Variants in STRN4 observed in about 807,000 individuals in gnomAD.
The protein encoded by STRN4 is striatin-4.
In STRN4, 27 loss-of-function variants were observed where a neutral mutation model predicts 77.9. That is an observed-to-expected ratio of 0.35 (90% CI 0.26 to 0.48). The LOEUF (loss-of-function observed/expected upper bound fraction) is 0.48, where lower values mean the gene tolerates loss of function less well. Among genes scored for constraint, STRN4 ranks in the 20% least tolerant of loss-of-function variants. The pLI is 0.99. For synonymous variants in STRN4, 466 were observed against 443.1 expected (o/e 1.05, Z -0.65); for missense variants, 798 against 1,049.7 (o/e 0.76, Z 3.31).
In STRN4 at chr19:46,741,071, T is replaced by C. The variant is rs1403160496; in HGVS notation, c.283-2183A>G. ...AGAGAGGTAACCGATTCGCATGTTA[T>C]AAAGGCAGCTCCAGCTAAAACATGG... On this transcript the variant is annotated intron_variant, in intron 1 of 17. Transcript: ENST00000263280. This position sits in a 1 kb window ranked among gnomAD's most constrained non-coding sequence, Gnocchi z 4.9. Among the ~76,000 whole-genome samples, 1 of 152,158 alleles carries C rather than the reference T, an allele frequency of 6.6e-6. No homozygotes were observed. The highest frequency in any genetic ancestry group is 2.4e-5 in the African/African-American group (1 of 41,438).
At chr19:46,735,791 CCT>C (rs1205485563) in intron 4 of STRN4, among the ~76,000 whole-genome samples, 1 of 150,738 alleles carries the variant, frequency 6.6e-6, no homozygotes, top group Non-Finnish European at 1.5e-5. Context: ...ATGGTGAAAC[CCT>C]GTCTTTACTA....
rs183990828 is a variant in STRN4 at position 46,723,810 on chromosome 19, G to A, written c.1595-526C>T. The stretch of plus-strand genomic sequence containing the variant: ...CCAGCAGCTCTGGCCTGCTGACACC[G>A]AAAGTGTGGTGGCTAATGTAGCTGG... On this transcript the variant is annotated intron_variant, in intron 12 of 17. Coordinates refer to ENST00000263280, the MANE Select transcript of STRN4 (RefSeq NM_013403.3). This position sits in a 1 kb window ranked among gnomAD's most constrained non-coding sequence, Gnocchi z 5.5. 2.8e-3 allele frequency among the ~76,000 whole-genome samples: 426 copies of A among 152,292 alleles called. 5 individuals are homozygous for A. Among genetic ancestry groups the A allele is most frequent in the African/African-American group, 9.5e-3 (394 of 41,556 alleles).
At chr19:46,720,956 CA>C (rs1441085173) in intron 16 of STRN4, 185 bp from the exon 17 acceptor site, 4 of 529,688 alleles carry the variant, frequency 7.6e-6, no homozygotes, top group African/African-American at 2.0e-5. Flanking sequence ...CTCCTGTCCA[CA>C]GTCCATCTCA....
intron 12 of STRN4, 93 bp downstream of exon 12, chr19:46,724,714 T>C: frequency 6.3e-7 from 1 of 1,575,948 alleles, no homozygotes; most frequent in Non-Finnish European, 8.7e-7. Flanking sequence ...AGGCCTGCAG[T>C]GTTGGCAAGA....
In STRN4 at chr19:46,733,407, G is replaced by T; in HGVS notation, c.540-171C>A. ...GTTCCCCGTCAAGGCTATTTCCAGT[G>T]GAAGCCCTTGTACACACACACAATG... is the stretch of plus-strand genomic sequence containing the variant. On this transcript the variant is annotated intron_variant, in intron 4 of 17. Transcript: ENST00000263280. This position sits in a 1 kb window ranked among gnomAD's most constrained non-coding sequence, Gnocchi z 4.3. 1 of 640,060 alleles carries T rather than the reference G, an allele frequency of 1.6e-6. No individual in the cohort carries two copies. Among genetic ancestry groups the T allele is most frequent in the Non-Finnish European group, 2.7e-6 (1 of 365,112 alleles). The allele number at this position is 640,060 out of a possible 1,614,324, so 39.6% of individuals were successfully genotyped here.
At chr19:46,726,462 T>G (rs2054116218) in intron 9 of STRN4, among the ~76,000 whole-genome samples, 1 of 133,226 alleles carries the variant, frequency 7.5e-6, no homozygotes. Flanking sequence ...CTGGGTAACA[T>G]AGGGAGATCC....
chr19:46,725,206 G>A, intron 11 of STRN4, 126 bp downstream of exon 11: 1 of 1,327,350 alleles, frequency 7.5e-7, no homozygotes, highest in Non-Finnish European at 1.1e-6. Flanking sequence ...TCATGAAGGG[G>A]GCGGGGACTC....
At position 46,722,950 on chromosome 19, in the gene STRN4, T is replaced by A. The variant is rs1361396258; in HGVS notation, c.1766A>T (p.Glu589Val). 6.2e-7 allele frequency: 1 copy of A among 1,613,774 alleles called. No individual in the cohort carries two copies. Among genetic ancestry groups the A allele is most frequent in the Non-Finnish European group, 8.5e-7 (1 of 1,180,006 alleles). Reference sequence around the variant, plus strand: ...GGCCACTGAGGTGGGGACCCCGTGCTCTGAGGGCACAGGGAAGAGAAGGCT... The same window carrying A: ...GGCCACTGAGGTGGGGACCCCGTGCACTGAGGGCACAGGGAAGAGAAGGCT... ...ACLCTFPTAS[E>V]HGVPTSVAFT... The change falls in exon 14 of 18, where the codon GAG becomes GTG. Residue 589 changes from glutamate (E) to valine (V), a missense_variant and splice_region_variant. By Grantham distance (121) the Glu-to-Val change is moderately radical. Transcript: ENST00000263280.
At chr19:46,732,815 G>A (rs1006345425) in intron 5 of STRN4, 30 of 567,706 alleles carry the variant, frequency 5.3e-5, no homozygotes, top group Non-Finnish European at 9.0e-5. Context: ...CGGGGGCAGG[G>A]CTGGAGATGA....
chr19:46,728,805 CA>C, intron 6 of STRN4, 28 bp from the exon 7 acceptor site: 1 of 1,612,306 alleles, frequency 6.2e-7, no homozygotes, highest in African/African-American at 1.3e-5. Context: ...CCAGACAAGT[CA>C]GGGGGCCTCT....
intron 9 of STRN4, 165 bp from the exon 10 acceptor site, chr19:46,725,813 G>A (rs1035905535): frequency 1.2e-6 from 1 of 864,610 alleles, no homozygotes; most frequent in Middle Eastern, 3.6e-4. Flanking sequence ...CCTCTGCTGG[G>A]CAGAGTCTCC....
At chr19:46,721,901 C>T (rs2053986412) in intron 16 of STRN4, 85 bp downstream of exon 16, 1 of 1,521,444 alleles carries the variant, frequency 6.6e-7, no homozygotes, top group African/African-American at 1.4e-5. Context: ...CCCCCGGGGC[C>T]CCCTGAGCAC....
At position 46,746,436 on chromosome 19, in the gene STRN4, C is replaced by G. The variant is rs1307793144; in HGVS notation, c.-6G>C. On this transcript the variant is annotated 5_prime_UTR_variant, in exon 1 of 18. Transcript: ENST00000263280. The stretch of plus-strand genomic sequence containing the variant: ...GCCGCTCGCTCCTCCATCATGGAGG[C>G]CCCGGGGCCGGCCTGCGCGCCCGCT... 9.9e-7 allele frequency: 1 copy of G among 1,013,940 alleles called. No homozygotes were observed. The highest frequency in any genetic ancestry group is 1.2e-6 in the Non-Finnish European group (1 of 850,546). The allele number at this position is 1,013,940 out of a possible 1,614,324, so 62.8% of individuals were successfully genotyped here.
chr19:46,732,887 G>C (rs2122314709), intron 5 of STRN4, 152 bp downstream of exon 5: 2 of 887,076 alleles, frequency 2.3e-6, no homozygotes, highest in East Asian at 5.4e-5. Context: ...AGCAGTGAAG[G>C]GACTCAGGGT....
At position 46,730,816 on chromosome 19, in the gene STRN4, G is replaced by T; in HGVS notation, c.795C>A (p.Ile265=). 2 of 1,612,798 alleles carry T rather than the reference G, an allele frequency of 1.2e-6. No individual in the cohort carries two copies. Among genetic ancestry groups the T allele is most frequent in the Non-Finnish European group, 8.5e-7 (1 of 1,180,014 alleles). ...ERLGGSVLGQ[I]PFLQNCEDED... ...CGTCCTCGCAGTTCTGCAGGAAGGGGATCTGCCCCAGCACTGAGCCGCCCA... is the reference window on the plus strand; with the variant it reads ...CGTCCTCGCAGTTCTGCAGGAAGGGTATCTGCCCCAGCACTGAGCCGCCCA... The change falls in exon 6 of 18, where the codon ATC becomes ATA. Residue 265 remains isoleucine (I), a synonymous_variant. Transcript: ENST00000263280.
chr19:46,733,463 T>C lies in STRN4; in HGVS notation c.540-227A>G, dbSNP rs370846179. 487 of 534,252 alleles carry C rather than the reference T, an allele frequency of 9.1e-4. No homozygotes were observed. The highest frequency in any genetic ancestry group is 1.3e-3 in the Non-Finnish European group (399 of 298,120). 33.1% of individuals were successfully genotyped at this position (534,252 alleles called of 1,614,324 possible). A position where few individuals can be genotyped will look rare whatever the true frequency, so the allele number is the denominator to read the frequency against. ...TGTGAGGGTGCTCCCTGCACTGCTG[T>C]ATGGGGAAGCCGAAGCACAGGGACC... On this transcript the variant is annotated intron_variant, in intron 4 of 17. Transcript: ENST00000263280. The surrounding 1 kb of genome is among the most constrained non-coding windows in gnomAD (Gnocchi z 4.3).
intron 8 of STRN4, 63 bp downstream of exon 8, chr19:46,727,831 G>C: frequency 7.0e-7 from 1 of 1,433,690 alleles, no homozygotes; most frequent in South Asian, 1.3e-5. Context: ...CCTGGGCTCA[G>C]CTCTGCAGCC....
chr19:46,744,926 C>A (rs2054548557), intron 1 of STRN4, among the ~76,000 whole-genome samples: 1 of 152,054 alleles, frequency 6.6e-6, no homozygotes, highest in Non-Finnish European at 1.5e-5. Context: ...AGGTCACAAA[C>A]CCTAGCCCAA....
chr19:46,740,178 A>G (rs975923477), intron 1 of STRN4: 1 of 152,176 alleles, frequency 6.6e-6, no homozygotes, highest in Non-Finnish European at 1.5e-5. Context: ...AGTCCCAGCT[A>G]CTCGGGAGGC....
Sources: gnomAD v4.1 joint callset for allele counts (sites outside exome capture counted in the v4.1 genomes callset) on GRCh38, gnomAD v4.1.1 for gene constraint, Gnocchi (gnomAD v3.1) non-coding constraint, MANE v1.5 for transcripts, NCBI Gene and HGNC (gene_info 2026-07-23, HGNC 2026-07-21) for gene names.